Variants in TVP23B observed in about 807,000 individuals in gnomAD.
TVP23B encodes the protein Golgi apparatus membrane protein TVP23 homolog B.
In TVP23B, 10 loss-of-function variants were observed where a neutral mutation model predicts 30.6. That is an observed-to-expected ratio of 0.33 (90% CI 0.20 to 0.55). TVP23B has a LOEUF of 0.55. Among genes scored for constraint, TVP23B ranks in the 20% least tolerant of loss-of-function variants. The pLI is 0.91. For synonymous variants in TVP23B, 67 were observed against 83.1 expected (o/e 0.81, Z 1.06); for missense variants, 153 against 243.2 (o/e 0.63, Z 2.47).
rs750206855 is a variant in TVP23B at position 18,791,050 on chromosome 17, A to G, written c.240+10A>G. On this transcript the variant is annotated intron_variant, in intron 3 of 6. Transcript: ENST00000307767. ...CTTTTGGGCAGTGAAGGTAATTTTG[A>G]TTGTTTTTATTTTAAAATTATATTT... 4.5e-6 allele frequency: 7 copies of G among 1,570,898 alleles called. No individual in the cohort carries two copies. Among genetic ancestry groups the G allele is most frequent in the Admixed American group, 2.1e-5 (1 of 46,924 alleles).
chr17:18,793,125 C>T (rs1235161262), intron 3 of TVP23B, among the ~76,000 whole-genome samples: 1 of 151,930 alleles, frequency 6.6e-6, no homozygotes, highest in Non-Finnish European at 1.5e-5. Flanking sequence ...CTGTCCTGGG[C>T]AGCATGAGGC....
At chr17:18,781,862 C>CT (rs1279577823) in intron 1 of TVP23B, 1 of 151,114 alleles carries the variant, frequency 6.6e-6, no homozygotes, top group Non-Finnish European at 1.5e-5. Context: ...GTGTTTTTTT[C>CT]TTTCGGTTCA....
intron 1 of TVP23B, among the ~76,000 whole-genome samples, chr17:18,784,100 G>T (rs1410251430): frequency 2.6e-5 from 4 of 151,954 alleles, no homozygotes; most frequent in Admixed American, 6.6e-5. Context: ...AGCCGAGATC[G>T]CGCCACTGCA....
intron 3 of TVP23B, among the ~76,000 whole-genome samples, chr17:18,793,756 T>G (rs1001972427): frequency 6.6e-6 from 1 of 152,030 alleles, no homozygotes; most frequent in African/African-American, 2.4e-5. Flanking sequence ...AGTACATGTA[T>G]AAAGTGATGT....
At chr17:18,789,208 G>T in intron 1 of TVP23B, 145 bp from the exon 2 acceptor site, 2 of 1,287,440 alleles carry the variant, frequency 1.6e-6, no homozygotes, top group Non-Finnish European at 2.1e-6. Flanking sequence ...GGATCTGCAT[G>T]TGTCCTTTTC....
In TVP23B at chr17:18,805,809, G is replaced by A. The variant is rs186231930; in HGVS notation, c.*242G>A. On this transcript the variant is annotated 3_prime_UTR_variant, in exon 7 of 7. Transcript: ENST00000307767. ...TGTCAAGATTTGTTCTGTGGTGTAG[G>A]TATGCACATTCCATAGGTATGCACA... 7.9e-5 allele frequency: 109 copies of A among 1,379,432 alleles called. No homozygotes were observed. In the African/African-American group the frequency reaches 1.4e-3, roughly 18 times the overall value. The allele number at this position is 1,379,432 out of a possible 1,614,324, so 85.4% of individuals were successfully genotyped here.
chr17:18,781,339 G>C (rs768694645), intron 1 of TVP23B, 34 bp downstream of exon 1: 5 of 1,568,690 alleles, frequency 3.2e-6, no homozygotes, highest in South Asian at 1.2e-5. Flanking sequence ...GAGGGTGGCG[G>C]CTCCTGGGAC....
rs148864730 is a variant in TVP23B, at chr17:18,798,354, T to C, written c.331-458T>C. 7.7e-3 allele frequency among the ~76,000 whole-genome samples: 1,165 copies of C among 152,132 alleles called. 10 individuals carry two copies. The highest frequency in any genetic ancestry group is 0.014 in the Admixed American group (214 of 15,284). ...GAAACAACTTACCACCCTTGTAACT[T>C]CCTGGGTATTGCTAAGACATTTTGA... is the stretch of plus-strand genomic sequence containing the variant. On this transcript the variant is annotated intron_variant, in intron 4 of 6. Transcript: ENST00000307767.
chr17:18,783,149 A>G (rs2035836339), intron 1 of TVP23B, among the ~76,000 whole-genome samples: 1 of 150,020 alleles, frequency 6.7e-6, no homozygotes, highest in Non-Finnish European at 1.5e-5. Flanking sequence ...CTTGTTGCCC[A>G]GGCTGGAGTA....
chr17:18,788,435 T>C (rs2151844630), intron 1 of TVP23B, among the ~76,000 whole-genome samples: 1 of 152,140 alleles, frequency 6.6e-6, no homozygotes, highest in Non-Finnish European at 1.5e-5. Flanking sequence ...AAAAAATCTT[T>C]TTTTGCCTAA....
chr17:18,804,176 C>A lies in TVP23B; in HGVS notation c.501C>A (p.Asn167Lys). The stretch of plus-strand genomic sequence containing the variant: ...TGGGTGTGGTGCTACAAGGTGCCAA[C>A]CTGTATGGTTACATCAGGTGTAAGG... ...VIMGVVLQGANLYGYIRCKVR... is the reference protein window; with the variant it reads ...VIMGVVLQGAKLYGYIRCKVR... The change falls in exon 6 of 7, where the codon AAC becomes AAA. Residue 167 changes from asparagine to lysine, a missense_variant. Coordinates refer to ENST00000307767, the MANE Select transcript of TVP23B (RefSeq NM_016078.6). The A allele has an allele frequency of 6.2e-7, 1 of 1,613,540 alleles. No individual in the cohort carries two copies. Among genetic ancestry groups the A allele is most frequent in the Non-Finnish European group, 8.5e-7 (1 of 1,179,740 alleles).
At chr17:18,804,910 A>T (rs2036224739) in intron 6 of TVP23B, among the ~76,000 whole-genome samples, 1 of 151,484 alleles carries the variant, frequency 6.6e-6, no homozygotes, top group South Asian at 2.1e-4. Context: ...GGTTTTAGGG[A>T]GAACAGTTGA....
chr17:18,796,562 C>T (rs1303713254), intron 3 of TVP23B: 1 of 151,696 alleles, frequency 6.6e-6, no homozygotes, highest in Admixed American at 6.6e-5. Flanking sequence ...AAAACAAAAC[C>T]AAACAAAAAA....
At chr17:18,781,355 C>G (rs772748779) in intron 1 of TVP23B, 50 bp downstream of exon 1, 8 of 1,559,814 alleles carry the variant, frequency 5.1e-6, no homozygotes, top group African/African-American at 1.4e-5. Context: ...GGGACTGGCT[C>G]TGCAGGTTCC....
In TVP23B at chr17:18,782,565, A is replaced by G. The variant is rs537490747; in HGVS notation, c.12+1260A>G. ...GGAATTCAGGGTGAGTCCACAGTGC[A>G]AAGTGAAAGCAAGTTTATTAAGAAA... On this transcript the variant is annotated intron_variant, in intron 1 of 6. Transcript: ENST00000307767. 5.3e-5 allele frequency: 8 copies of G among 152,256 alleles called. No homozygotes were observed. In the South Asian group the frequency reaches 1.2e-3, roughly 24 times the overall value. 9.4% of individuals were successfully genotyped at this position (152,256 alleles called of 1,614,324 possible).
chr17:18,789,480 G>T (rs777476589), intron 2 of TVP23B, 45 bp downstream of exon 2: 36 of 1,613,226 alleles, frequency 2.2e-5, no homozygotes, highest in Non-Finnish European at 2.9e-5. Context: ...GTCCAGTGCT[G>T]TTCTGTATGT....
intron 5 of TVP23B, among the ~76,000 whole-genome samples, chr17:18,800,350 T>C (rs2036141097): frequency 6.6e-6 from 1 of 152,254 alleles, no homozygotes; most frequent in African/African-American, 2.4e-5. Flanking sequence ...TTACTGGTTG[T>C]TTAGTCTTTG....
intron 3 of TVP23B, among the ~76,000 whole-genome samples, chr17:18,794,008 G>A (rs8081355): frequency 0.69 from 103,828 of 151,172 alleles, 35,728 homozygotes; most frequent in East Asian, 0.81. Flanking sequence ...AAGAGGAACA[G>A]AAAAAGGTGA....
rs750566348 is a variant in TVP23B at position 18,794,067 on chromosome 17, CTA to C, written c.240+3029_240+3030del. ...ATTCACAGAGTAAAATTATATCAAA[CTA>C]TGTATAGTAAAAAAATTGGAAATAT... On this transcript the variant is annotated intron_variant, in intron 3 of 6. Coordinates refer to ENST00000307767, the MANE Select transcript of TVP23B (RefSeq NM_016078.6). Among the ~76,000 whole-genome samples, 3 of 151,590 alleles carry C rather than the reference CTA, an allele frequency of 2.0e-5. No individual in the cohort carries two copies. In the East Asian group the frequency reaches 5.8e-4, roughly 29 times the overall value.
Sources: allele counts gnomAD v4.1 joint callset (sites outside exome capture counted in the v4.1 genomes callset), GRCh38; gene constraint gnomAD v4.1.1; transcripts MANE v1.5; gene names NCBI Gene and HGNC (gene_info 2026-07-23, HGNC 2026-07-21).